PEAK1: variants seen among roughly 807,000 people sequenced by gnomAD.
PEAK1 encodes the protein pseudopodium enriched atypical kinase 1.
Under a neutral mutation model 124.7 loss-of-function variants are expected in PEAK1, and 54 were observed. The observed-to-expected ratio is 0.43, with a 90% CI of 0.35 to 0.54. PEAK1 has a LOEUF of 0.54. Among genes scored for constraint, PEAK1 ranks in the 20% least tolerant of loss-of-function variants. The pLI is 0.01. For synonymous variants in PEAK1, 719 were observed against 760.0 expected (o/e 0.95, Z 0.89); for missense variants, 2,046 against 2,134.5 (o/e 0.96, Z 0.82).
intron 1 of PEAK1, among the ~76,000 whole-genome samples, chr15:77,392,364 T>C (rs138571433): frequency 7.9e-5 from 12 of 152,278 alleles, no homozygotes; most frequent in Middle Eastern, 3.4e-3. Context: ...ATACCTCTAA[T>C]AGAATAAAGT....
intron 8 of PEAK1, among the ~76,000 whole-genome samples, chr15:77,135,833 A>G (rs1190847986): frequency 1.3e-5 from 2 of 152,146 alleles, no homozygotes; most frequent in African/African-American, 4.8e-5. Flanking sequence ...AGCCATGTGG[A>G]ACTGTTAAGT....
intron 6 of PEAK1, chr15:77,204,456 AG>A (rs774518153): frequency 6.5e-6 from 1 of 152,824 alleles, no homozygotes; most frequent in Non-Finnish European, 1.5e-5. Context: ...AAGTGTTTAT[AG>A]GAGCAGCTTG....
chr15:77,116,701 AATCTATCTATCT>A (rs34607835), intron 9 of PEAK1, among the ~76,000 whole-genome samples: 12,145 of 145,682 alleles, frequency 0.083, 536 homozygotes, highest in African/African-American at 0.097. Flanking sequence ...GAAATCAATC[AATCTATCTATCT>A]ATCTATCTAT....
chr15:77,365,627 C>A (rs1005571026), intron 1 of PEAK1, among the ~76,000 whole-genome samples: 1 of 151,606 alleles, frequency 6.6e-6, no homozygotes, highest in Non-Finnish European at 1.5e-5. Context: ...GTAGTCCCAC[C>A]TACTCGGGAG....
At chr15:77,273,457 GC>G (rs2062143566) in intron 5 of PEAK1, among the ~76,000 whole-genome samples, 1 of 152,096 alleles carries the variant, frequency 6.6e-6, no homozygotes, top group South Asian at 2.1e-4. Flanking sequence ...CAGTAGCCCT[GC>G]TACACATCAA....
chr15:77,313,692 G>A (rs11632506), intron 2 of PEAK1, among the ~76,000 whole-genome samples: 8,534 of 97,560 alleles, frequency 0.087, 491 homozygotes, highest in African/African-American at 0.16. Context: ...GTGTGTGTGT[G>A]TATATATATA....
At chr15:77,382,485 T>C (rs1262836696) in intron 1 of PEAK1, among the ~76,000 whole-genome samples, 1 of 152,168 alleles carries the variant, frequency 6.6e-6, no homozygotes, top group African/African-American at 2.4e-5. Flanking sequence ...TTAGAAATAT[T>C]TCCTGACATC....
At chr15:77,159,408 T>C (rs1313881497) in intron 7 of PEAK1, among the ~76,000 whole-genome samples, 2 of 152,208 alleles carry the variant, frequency 1.3e-5, no homozygotes, top group East Asian at 1.9e-4. Context: ...TGTTTTACCA[T>C]TGCCTGCTCA....
chr15:77,332,221 C>T, intron 2 of PEAK1: 2 of 983,300 alleles, frequency 2.0e-6, no homozygotes, highest in Non-Finnish European at 2.4e-6. Context: ...TATGTGAGTC[C>T]TTTTTTGACA....
Position 77,114,756 on chromosome 15 carries a change from A to G in PEAK1, c.4641T>C (p.Tyr1547=). ...GPAEPSPTSS[Y]PTRLIVSNFS... ...AGTTGCTCACTATAAGCCTAGTGGG[A>G]TAAGATGAGGTGGGGCTGGGCTCTG... Residue 1547 remains tyrosine, a synonymous_variant, in exon 10 of 10, where the codon TAT becomes TAC. Coordinates refer to ENST00000682557, the MANE Select transcript of PEAK1 (RefSeq NM_001385026.1). 2.5e-6 allele frequency: 4 copies of G among 1,613,118 alleles called. No homozygotes were observed. The highest frequency in any genetic ancestry group is 3.4e-6 in the Non-Finnish European group (4 of 1,179,860).
chr15:77,232,576 T>C (rs546666147), intron 6 of PEAK1, among the ~76,000 whole-genome samples: 91 of 152,250 alleles, frequency 6.0e-4, no homozygotes, highest in Middle Eastern at 6.8e-3. Context: ...CATCTCATGT[T>C]CCCCAAAATT....
chr15:77,256,016 A>G (rs941637094), intron 5 of PEAK1, among the ~76,000 whole-genome samples: 3 of 152,192 alleles, frequency 2.0e-5, no homozygotes, highest in Admixed American at 2.0e-4. Flanking sequence ...GAGGAAAAAA[A>G]TCCAAGATCT....
At chr15:77,412,624 A>G (rs2072506254) in intron 1 of PEAK1, among the ~76,000 whole-genome samples, 1 of 152,228 alleles carries the variant, frequency 6.6e-6, no homozygotes, top group African/African-American at 2.4e-5. Context: ...TAGTATACAT[A>G]CATGCATTTC....
At chr15:77,404,278 C>T (rs950340304) in intron 1 of PEAK1, 9 of 985,244 alleles carry the variant, frequency 9.1e-6, no homozygotes, top group Non-Finnish European at 1.1e-5. Flanking sequence ...TCCAGAATAC[C>T]TGCAAAGTGA....
intron 8 of PEAK1, among the ~76,000 whole-genome samples, chr15:77,148,943 G>C (rs1262880122): frequency 6.6e-6 from 1 of 151,948 alleles, no homozygotes; most frequent in East Asian, 1.9e-4. Context: ...AAAATTTAAA[G>C]TATTTTTTTA....
At chr15:77,208,272 T>C (rs1567116542) in intron 6 of PEAK1, among the ~76,000 whole-genome samples, 1 of 152,246 alleles carries the variant, frequency 6.6e-6, no homozygotes, top group South Asian at 2.1e-4. Flanking sequence ...TGCAATGCTA[T>C]ACCACTTTTA....
intron 5 of PEAK1, among the ~76,000 whole-genome samples, chr15:77,258,710 C>T (rs537914935): frequency 6.6e-6 from 1 of 152,206 alleles, no homozygotes; most frequent in East Asian, 1.9e-4. Context: ...AATTGAATAC[C>T]CTTTATTTCC....
intron 9 of PEAK1, among the ~76,000 whole-genome samples, chr15:77,115,616 G>T (rs981353126): frequency 7.0e-6 from 1 of 142,724 alleles, no homozygotes; most frequent in African/African-American, 2.5e-5. Flanking sequence ...GGGGTTATGT[G>T]TGCAAACCTA....
At chr15:77,118,520 G>T (rs1031972817) in intron 9 of PEAK1, among the ~76,000 whole-genome samples, 3 of 152,018 alleles carry the variant, frequency 2.0e-5, no homozygotes, top group African/African-American at 7.2e-5. Context: ...AAATGGATAG[G>T]GTTCTTCCTG....
Sources: allele counts gnomAD v4.1 joint callset (sites outside exome capture counted in the v4.1 genomes callset), GRCh38; gene constraint gnomAD v4.1.1; transcripts MANE v1.5; gene names NCBI Gene and HGNC (gene_info 2026-07-23, HGNC 2026-07-21).